The following KIAA1217 variants were observed in gnomAD, a reference collection of about 807,000 sequenced individuals.
KIAA1217 encodes the protein KIAA1217.
In KIAA1217, 88 loss-of-function variants were observed where a neutral mutation model predicts 163.9. The ratio of observed to expected loss-of-function variants is 0.54; its 90% CI spans 0.45 to 0.64. The LOEUF is 0.64. Ranked by LOEUF, KIAA1217 falls within the 30% of genes least tolerant of loss-of-function variation. KIAA1217 has a pLI of 0.00. For missense variants in KIAA1217, 2,372 were observed against 2,475.0 expected (o/e 0.96, Z 0.88); for synonymous variants, 903 against 923.1 (o/e 0.98, Z 0.39).
intron 2 of KIAA1217, among the ~76,000 whole-genome samples, chr10:24,342,123 G>C (rs748151871): frequency 1.3e-4 from 20 of 152,204 alleles, no homozygotes; most frequent in Non-Finnish European, 2.5e-4. Context: ...TCACTGGGGA[G>C]CTCTGTGTAC....
At chr10:23,835,878 G>T (rs1284580779) in intron 1 of KIAA1217, among the ~76,000 whole-genome samples, 1 of 151,898 alleles carries the variant, frequency 6.6e-6, no homozygotes, top group Non-Finnish European at 1.5e-5. Context: ...GTTCCTCCTA[G>T]TTTTTGTTGT....
chr10:24,049,366 A>G (rs191660102), intron 2 of KIAA1217, among the ~76,000 whole-genome samples: 217 of 152,330 alleles, frequency 1.4e-3, no homozygotes, highest in African/African-American at 4.9e-3. Context: ...ATAGAAACCT[A>G]AAGATCGTAT....
chr10:24,148,052 C>T (rs1293681883), intron 2 of KIAA1217, among the ~76,000 whole-genome samples: 3 of 151,864 alleles, frequency 2.0e-5, no homozygotes, highest in African/African-American at 7.2e-5. Flanking sequence ...CGTATAAGCC[C>T]AAAAGAGGCA....
At chr10:24,456,216 A>T (rs2061773959) in intron 5 of KIAA1217, among the ~76,000 whole-genome samples, 1 of 152,158 alleles carries the variant, frequency 6.6e-6, no homozygotes, top group Non-Finnish European at 1.5e-5. Flanking sequence ...GATATCTTTG[A>T]AATATAATAC....
At position 24,543,782 on chromosome 10, in the gene KIAA1217, G is replaced by A. The variant is rs1457233390; in HGVS notation, c.4512G>A (p.Lys1504=). Residue 1504 remains lysine, a synonymous_variant, in exon 19 of 21, where the codon AAG becomes AAA. Transcript: ENST00000376454. The part of the protein sequence containing the change: ...QNNNTSQMSH[K]KVAPGNLRTG... ...ATAACACTTCCCAGATGTCTCATAA[G>A]AAGGTGGCCCCAGGCAATCTTAGAA... 6.8e-6 allele frequency: 11 copies of A among 1,613,492 alleles called. No individual in the cohort carries two copies. The Admixed American group carries it at 1.0e-4, about 15-fold the overall frequency.
intron 11 of KIAA1217, 62 bp downstream of exon 11, chr10:24,520,315 C>T: frequency 6.3e-7 from 1 of 1,592,498 alleles, no homozygotes; most frequent in African/African-American, 1.3e-5. Context: ...GTTTAAAAAT[C>T]TGCCACATAG....
chr10:24,283,211 CAT>C (rs762011260), intron 2 of KIAA1217, among the ~76,000 whole-genome samples: 3 of 152,150 alleles, frequency 2.0e-5, no homozygotes, highest in Non-Finnish European at 4.4e-5. Context: ...TGCATAGACA[CAT>C]ATCTATATTT....
At chr10:24,544,836 C>T (rs1227557195) in intron 19 of KIAA1217, 145 bp from the exon 20 acceptor site, 2 of 834,058 alleles carry the variant, frequency 2.4e-6, no homozygotes, top group Non-Finnish European at 3.8e-6. Context: ...TCTGATTAAC[C>T]CCAGTTGGTG....
intron 2 of KIAA1217, among the ~76,000 whole-genome samples, chr10:24,311,074 T>G (rs2042630952): frequency 6.6e-6 from 1 of 152,172 alleles, no homozygotes; most frequent in Non-Finnish European, 1.5e-5. Flanking sequence ...TAAATGTCCA[T>G]CAGGGTTCTC....
chr10:24,267,105 G>A (rs927818600), intron 2 of KIAA1217, among the ~76,000 whole-genome samples: 5 of 152,208 alleles, frequency 3.3e-5, no homozygotes, highest in African/African-American at 1.2e-4. Flanking sequence ...ATAATTGGAG[G>A]TGAGGAGTTT....
At chr10:23,722,595 C>T (rs968917114) in intron 1 of KIAA1217, among the ~76,000 whole-genome samples, 2 of 152,040 alleles carry the variant, frequency 1.3e-5, no homozygotes, top group Non-Finnish European at 2.9e-5. Flanking sequence ...TCTGTTTTCA[C>T]TCTTGGTTTT....
chr10:23,873,499 T>A (rs903735038), intron 1 of KIAA1217, among the ~76,000 whole-genome samples: 5 of 152,014 alleles, frequency 3.3e-5, no homozygotes, highest in Non-Finnish European at 5.9e-5. Context: ...GGTAATTTAC[T>A]CCCAATTTTA....
At chr10:24,011,805 T>C (rs1490369616) in intron 2 of KIAA1217, among the ~76,000 whole-genome samples, 7 of 152,206 alleles carry the variant, frequency 4.6e-5, no homozygotes, top group Non-Finnish European at 1.0e-4. Flanking sequence ...AGCATGTTTT[T>C]ATTTATTAAA....
chr10:24,479,035 A>T (rs1458873610), intron 6 of KIAA1217, among the ~76,000 whole-genome samples: 1 of 152,232 alleles, frequency 6.6e-6, no homozygotes, highest in Non-Finnish European at 1.5e-5. Context: ...ACAAATTAGC[A>T]TAGAGTTACA....
chr10:24,540,486 C>A (rs1056436119), intron 17 of KIAA1217, among the ~76,000 whole-genome samples: 1 of 152,190 alleles, frequency 6.6e-6, no homozygotes, highest in Non-Finnish European at 1.5e-5. Flanking sequence ...CCCACCTCCA[C>A]CTCCCAAAGT....
intron 2 of KIAA1217, among the ~76,000 whole-genome samples, chr10:24,059,046 G>A (rs1223345781): frequency 6.6e-6 from 1 of 152,054 alleles, no homozygotes; most frequent in Non-Finnish European, 1.5e-5. Context: ...TTATGTTGAG[G>A]TAATTTTCCT....
chr10:23,911,423 G>A (rs1842422749), intron 1 of KIAA1217, among the ~76,000 whole-genome samples: 1 of 152,178 alleles, frequency 6.6e-6, no homozygotes, highest in Admixed American at 6.5e-5. Context: ...TTCTGTCTTT[G>A]AAATGCAAGC....
intron 2 of KIAA1217, among the ~76,000 whole-genome samples, chr10:24,168,799 GA>G (rs1469167594): frequency 3.3e-5 from 5 of 152,218 alleles, no homozygotes; most frequent in Admixed American, 2.0e-4. Context: ...CTACATAGCA[GA>G]GCACTTTACC....
chr10:24,424,443 C>CT (rs2059017035), intron 3 of KIAA1217, among the ~76,000 whole-genome samples: 1 of 152,176 alleles, frequency 6.6e-6, no homozygotes, highest in Non-Finnish European at 1.5e-5. Flanking sequence ...TTGAGTGAGA[C>CT]TTTTTTGATT....
Sources: allele counts gnomAD v4.1 joint callset (sites outside exome capture counted in the v4.1 genomes callset), GRCh38; gene constraint gnomAD v4.1.1; transcripts MANE v1.5; gene names NCBI Gene and HGNC (gene_info 2026-07-23, HGNC 2026-07-21).